CABCOCO1: variants seen among roughly 807,000 people sequenced by gnomAD.
CABCOCO1 encodes the protein ciliary-associated calcium-binding coiled-coil protein 1.
A neutral mutation model predicts 35.7 loss-of-function variants in CABCOCO1; 28 were observed. The observed-to-expected ratio is 0.78, with a 90% CI of 0.58 to 1.07. The LOEUF (loss-of-function observed/expected upper bound fraction) is 1.07, where lower values mean the gene tolerates loss of function less well. CABCOCO1 is among the 50% of genes least tolerant of loss of function. CABCOCO1 has a pLI of 0.00. For synonymous variants in CABCOCO1, 95 were observed against 100.1 expected (o/e 0.95, Z 0.30); for missense variants, 326 against 309.2 (o/e 1.05, Z -0.41).
At chr10:61,707,330 C>G (rs1344983263) in intron 5 of CABCOCO1, among the ~76,000 whole-genome samples, 1 of 152,140 alleles carries the variant, frequency 6.6e-6, no homozygotes, top group Non-Finnish European at 1.5e-5. Flanking sequence ...TAAGAGTCTG[C>G]TAGGCTGCTA....
chr10:61,749,353 A>G (rs16916568), intron 5 of CABCOCO1, among the ~76,000 whole-genome samples: 35,000 of 152,152 alleles, frequency 0.23, 4,122 homozygotes, highest in Middle Eastern at 0.29. Context: ...TGTGATTCCA[A>G]TGAAAACAGT....
chr10:61,677,742 G>A (rs377184668), intron 2 of CABCOCO1, among the ~76,000 whole-genome samples: 6 of 148,516 alleles, frequency 4.0e-5, no homozygotes, highest in South Asian at 2.1e-4. Flanking sequence ...TCTCCTTCCC[G>A]TGTCCATGTG....
At chr10:61,721,061 A>G (rs1841005347) in intron 5 of CABCOCO1, among the ~76,000 whole-genome samples, 1 of 150,440 alleles carries the variant, frequency 6.6e-6, no homozygotes. Flanking sequence ...AGTAGCTGGG[A>G]CTACACGCGC....
chr10:61,737,414 C>A (rs2132062222), intron 5 of CABCOCO1, among the ~76,000 whole-genome samples: 1 of 152,154 alleles, frequency 6.6e-6, no homozygotes, highest in East Asian at 1.9e-4. Context: ...AAGCTAAAAG[C>A]AGAACTGGTA....
At chr10:61,756,439 A>G (rs1466798674) in intron 5 of CABCOCO1, among the ~76,000 whole-genome samples, 1 of 152,018 alleles carries the variant, frequency 6.6e-6, no homozygotes. Flanking sequence ...TCTCTTCTTT[A>G]TTAGAGCTTT....
At chr10:61,693,825 T>C (rs981819975) in intron 5 of CABCOCO1, among the ~76,000 whole-genome samples, 1 of 151,878 alleles carries the variant, frequency 6.6e-6, no homozygotes, top group East Asian at 1.9e-4. Context: ...GGAGATTCTA[T>C]AGGGCAGAAG....
At chr10:61,733,390 G>A (rs1380643245) in intron 5 of CABCOCO1, among the ~76,000 whole-genome samples, 1 of 151,962 alleles carries the variant, frequency 6.6e-6, no homozygotes, top group African/African-American at 2.4e-5. Flanking sequence ...TTTACCATAT[G>A]TGAAGTCTAC....
At chr10:61,682,889 C>CTTTTTT (rs71018993) in intron 3 of CABCOCO1, among the ~76,000 whole-genome samples, 20,244 of 127,732 alleles carry the variant, frequency 0.16, 1,967 homozygotes, top group Middle Eastern at 0.23. Flanking sequence ...ACATGAATTT[C>CTTTTTT]TTTTTTTTTT....
At chr10:61,731,389 T>C (rs1450043777) in intron 5 of CABCOCO1, among the ~76,000 whole-genome samples, 1 of 152,012 alleles carries the variant, frequency 6.6e-6, no homozygotes, top group Non-Finnish European at 1.5e-5. Flanking sequence ...TTTTGTTACA[T>C]AATCCTCTGA....
chr10:61,711,963 A>G (rs2393829), intron 5 of CABCOCO1, among the ~76,000 whole-genome samples: 99,341 of 151,886 alleles, frequency 0.65, 34,029 homozygotes, highest in Middle Eastern at 0.84. Flanking sequence ...AAAAACATAC[A>G]TGTGCATGAT....
intron 2 of CABCOCO1, among the ~76,000 whole-genome samples, chr10:61,676,224 A>G (rs1193592043): frequency 1.3e-5 from 2 of 152,222 alleles, no homozygotes. Flanking sequence ...AAAATACAGT[A>G]TTCATGTGGT....
chr10:61,708,133 C>G (rs1840637811), intron 5 of CABCOCO1, among the ~76,000 whole-genome samples: 2 of 151,394 alleles, frequency 1.3e-5, no homozygotes, highest in Non-Finnish European at 1.5e-5. Context: ...ACCTTGGGAT[C>G]AGGCTCCACA....
chr10:61,714,044 T>A (rs1361992785), intron 5 of CABCOCO1, among the ~76,000 whole-genome samples: 2 of 152,202 alleles, frequency 1.3e-5, no homozygotes, highest in Non-Finnish European at 2.9e-5. Flanking sequence ...TAGGGAGGAT[T>A]CCCTCTTTTT....
intron 5 of CABCOCO1, among the ~76,000 whole-genome samples, chr10:61,710,442 A>C (rs1269593106): frequency 6.6e-6 from 1 of 152,022 alleles, no homozygotes; most frequent in South Asian, 2.1e-4. Flanking sequence ...TTCTCCGAAT[A>C]TACTGTAAAC....
At chr10:61,682,536 A>T (rs1839825829) in intron 3 of CABCOCO1, among the ~76,000 whole-genome samples, 1 of 152,214 alleles carries the variant, frequency 6.6e-6, no homozygotes, top group South Asian at 2.1e-4. Flanking sequence ...CCCCTGGTGT[A>T]TGATGTGAAT....
chr10:61,746,443 AC>A (rs1762342662), intron 5 of CABCOCO1, among the ~76,000 whole-genome samples: 1 of 152,172 alleles, frequency 6.6e-6, no homozygotes, highest in African/African-American at 2.4e-5. Context: ...TATGAAAAAA[AC>A]ATGCTTATAT....
chr10:61,692,210 A>T (rs886159656), intron 5 of CABCOCO1, among the ~76,000 whole-genome samples: 1 of 152,128 alleles, frequency 6.6e-6, no homozygotes, highest in Non-Finnish European at 1.5e-5. Context: ...ATTGTATCTC[A>T]TTGTGGGTTT....
chr10:61,748,691 A>G (rs1841717829), intron 5 of CABCOCO1, among the ~76,000 whole-genome samples: 1 of 152,258 alleles, frequency 6.6e-6, no homozygotes, highest in Admixed American at 6.5e-5. Flanking sequence ...GAGTTTTAAA[A>G]TAGTATTTGT....
At chr10:61,724,768 G>A (rs530698649) in intron 5 of CABCOCO1, among the ~76,000 whole-genome samples, 2 of 152,228 alleles carry the variant, frequency 1.3e-5, no homozygotes, top group South Asian at 4.1e-4. Flanking sequence ...ATGTTAAAGG[G>A]TTAATATCTT....
Sources: allele counts gnomAD v4.1 joint callset (sites outside exome capture counted in the v4.1 genomes callset), GRCh38; gene constraint gnomAD v4.1.1; transcripts MANE v1.5; gene names NCBI Gene and HGNC (gene_info 2026-07-23, HGNC 2026-07-21).